INPP5A: variants seen among roughly 807,000 people sequenced by gnomAD.
The protein encoded by INPP5A is inositol polyphosphate-5-phosphatase A, also known as 43 kDa inositol polyphosphate 5-phophatase.
In INPP5A, 14 loss-of-function variants were observed where a neutral mutation model predicts 65.2. The ratio of observed to expected loss-of-function variants is 0.21; its 90% CI spans 0.14 to 0.34. INPP5A has a LOEUF of 0.34. Among genes scored for constraint, INPP5A ranks in the 10% least tolerant of loss-of-function variants. INPP5A has a pLI of 1.00. For missense variants in INPP5A, 431 were observed against 545.6 expected, an observed-to-expected ratio of 0.79 and a Z score of 2.09; for synonymous variants, 207 against 208.3, an observed-to-expected ratio of 0.99 and a Z score of 0.05.
intron 9 of INPP5A, among the ~76,000 whole-genome samples, chr10:132,742,839 T>C (rs1013769340): frequency 3.3e-5 from 5 of 152,234 alleles, no homozygotes; most frequent in Non-Finnish European, 5.9e-5. Context: ...ACAGGCATCC[T>C]GCGTCCTTTG....
intron 2 of INPP5A, among the ~76,000 whole-genome samples, chr10:132,611,397 C>CG (rs2071947360): frequency 7.2e-6 from 1 of 138,626 alleles, no homozygotes. Flanking sequence ...AGAGGAGAGG[C>CG]CTGTCAGAGG....
chr10:132,569,470 A>C (rs1256741121), intron 1 of INPP5A, among the ~76,000 whole-genome samples: 2 of 151,824 alleles, frequency 1.3e-5, no homozygotes, highest in African/African-American at 2.4e-5. Flanking sequence ...GATCCTCCCA[A>C]CTCAGCCCCC....
At chr10:132,749,475 TG>T in intron 9 of INPP5A, 41 bp from the exon 10 acceptor site, 2 of 1,572,948 alleles carry the variant, frequency 1.3e-6, no homozygotes, top group Non-Finnish European at 8.7e-7. Context: ...CATGGGCAGG[TG>T]GGCCCCCCTG....
At chr10:132,690,020 C>T (rs1391609636) in intron 4 of INPP5A, among the ~76,000 whole-genome samples, 1 of 152,226 alleles carries the variant, frequency 6.6e-6, no homozygotes, top group Non-Finnish European at 1.5e-5. Context: ...ACCGGCTGCA[C>T]GGCTCACCTG....
rs2072199833 is a variant in INPP5A at position 132,627,429 on chromosome 10, C to A, written c.118-18439C>A. On this transcript the variant is annotated intron_variant, in intron 2 of 15. Coordinates refer to ENST00000368594, the MANE Select transcript of INPP5A (RefSeq NM_005539.5). This position sits in a 1 kb window ranked among gnomAD's most constrained non-coding sequence, Gnocchi z 6.6. ...CAGGTGGGTCTGGAGGGCGGTGGGG[C>A]TGGCGGTGCTGGGCGCGGCTCCCAA... Among the ~76,000 whole-genome samples, 1 of 152,144 alleles carries A rather than the reference C, an allele frequency of 6.6e-6. No homozygotes were observed. The highest frequency in any genetic ancestry group is 1.5e-5 in the Non-Finnish European group (1 of 68,020).
chr10:132,746,682 G>A (rs927292377), intron 9 of INPP5A, among the ~76,000 whole-genome samples: 2 of 152,112 alleles, frequency 1.3e-5, no homozygotes, highest in Admixed American at 6.5e-5. Context: ...ACGGCACACC[G>A]GACCACTCTT....
At chr10:132,781,360 GT>G (rs1847158294) in intron 14 of INPP5A, among the ~76,000 whole-genome samples, 1 of 152,178 alleles carries the variant, frequency 6.6e-6, no homozygotes, top group Non-Finnish European at 1.5e-5. Flanking sequence ...GGCACAGATC[GT>G]TTATTCAGGC....
intron 1 of INPP5A, among the ~76,000 whole-genome samples, chr10:132,590,662 G>A (rs948963805): frequency 1.4e-4 from 22 of 152,324 alleles, no homozygotes; most frequent in African/African-American, 3.6e-4. Context: ...AGACAGCCTC[G>A]GTAGCGTTGA....
intron 2 of INPP5A, among the ~76,000 whole-genome samples, chr10:132,622,018 A>C (rs1026441304): frequency 6.6e-6 from 1 of 152,240 alleles, no homozygotes; most frequent in African/African-American, 2.4e-5. Flanking sequence ...GAAGGAATCC[A>C]TAAAACTTTA....
chr10:132,598,854 C>T (rs1387210475), intron 1 of INPP5A, among the ~76,000 whole-genome samples: 1 of 152,190 alleles, frequency 6.6e-6, no homozygotes, highest in Admixed American at 6.5e-5. Flanking sequence ...TAAATGGCTG[C>T]AGCAAGAGAA....
chr10:132,554,380 G>A lies in INPP5A; in HGVS notation c.75+16209G>A, dbSNP rs181396178. 1.9e-4 allele frequency among the ~76,000 whole-genome samples: 29 copies of A among 152,256 alleles called. No individual in the cohort carries two copies. In the East Asian group the frequency reaches 4.6e-3, roughly 24 times the overall value. On this transcript the variant is annotated intron_variant, in intron 1 of 15. Transcript: ENST00000368594. ...AGAGTCCACAGTGCAGGTGGACACC[G>A]CAGAGGGTCTCCTGGGCAAGTGGCG...
intron 12 of INPP5A, among the ~76,000 whole-genome samples, chr10:132,774,088 C>T (rs908048708): frequency 2.6e-5 from 4 of 152,222 alleles, no homozygotes; most frequent in Non-Finnish European, 5.9e-5. Flanking sequence ...AAGTCTGTGC[C>T]GCTTCCTTCT....
chr10:132,646,824 G>A (rs1036172169), intron 3 of INPP5A, among the ~76,000 whole-genome samples: 4 of 152,184 alleles, frequency 2.6e-5, no homozygotes, highest in Non-Finnish European at 5.9e-5. Flanking sequence ...ACTGTGGGCC[G>A]ACGCTGCTGC....
At chr10:132,625,164 T>G (rs1017590180) in intron 2 of INPP5A, among the ~76,000 whole-genome samples, 2 of 134,114 alleles carry the variant, frequency 1.5e-5, no homozygotes, top group African/African-American at 2.8e-5. Flanking sequence ...GGCCTTGCTC[T>G]GCCATCTCAG....
intron 1 of INPP5A, among the ~76,000 whole-genome samples, chr10:132,586,980 G>A (rs1357540454): frequency 6.6e-6 from 1 of 152,166 alleles, no homozygotes; most frequent in African/African-American, 2.4e-5. Flanking sequence ...GTCGGCTTCT[G>A]CAGACCAATG....
In INPP5A at chr10:132,651,463, T is replaced by C. The variant is rs1285376567; in HGVS notation, c.306+958T>C. Among the ~76,000 whole-genome samples the C allele has an allele frequency of 3.5e-4, 25 of 71,818 alleles. No homozygotes were observed. The highest frequency in any genetic ancestry group is 9.9e-4 in the South Asian group (2 of 2,022). The allele number at this position is 71,818 out of a possible 152,430, so 47.1% of individuals were successfully genotyped here. A position where few individuals can be genotyped will look rare whatever the true frequency, so the allele number is the denominator to read the frequency against. On this transcript the variant is annotated intron_variant, in intron 4 of 15. Transcript: ENST00000368594. The surrounding 1 kb of genome is among the most constrained non-coding windows in gnomAD (Gnocchi z 5.0). ...CTGGGGAGGCCCTGGGTCCCCCGGC[T>C]TGGGTCCATCTCCCCCATCTCTGGG...
chr10:132,573,763 T>C (rs1324384879), intron 1 of INPP5A, among the ~76,000 whole-genome samples: 1 of 112,462 alleles, frequency 8.9e-6, no homozygotes, highest in African/African-American at 3.8e-5. Context: ...GTTGAGATGT[T>C]GGGGTGTGTG....
At chr10:132,606,402 G>C (rs530267882) in intron 1 of INPP5A, among the ~76,000 whole-genome samples, 1 of 152,188 alleles carries the variant, frequency 6.6e-6, no homozygotes, top group Admixed American at 6.5e-5. Flanking sequence ...TGCGTCCCAC[G>C]AGGAGGTCCC....
At position 132,614,893 on chromosome 10, in the gene INPP5A, G is replaced by A. The variant is rs185311096; in HGVS notation, c.117+6937G>A. Among the ~76,000 whole-genome samples the A allele has an allele frequency of 7.5e-4, 114 of 152,372 alleles. 2 individuals carry two copies. Among genetic ancestry groups the A allele is most frequent in the Admixed American group, 5.4e-3 (83 of 15,314 alleles). ...CGTCTGTGAAGAGTGGACCCTCCTC[G>A]TGGAATGGGCTGGCCTCGCTCTTAT... On this transcript the variant is annotated intron_variant, in intron 2 of 15. Coordinates refer to ENST00000368594, the MANE Select transcript of INPP5A (RefSeq NM_005539.5).
Sources: allele counts gnomAD v4.1 joint callset (sites outside exome capture counted in the v4.1 genomes callset), GRCh38; gene constraint gnomAD v4.1.1; non-coding constraint Gnocchi (gnomAD v3.1); transcripts MANE v1.5; gene names NCBI Gene and HGNC (gene_info 2026-07-23, HGNC 2026-07-21).